Variants in CADPS2 observed in about 807,000 individuals in gnomAD.
CADPS2 encodes calcium dependent secretion activator 2, also known as calcium-dependent secretion activator 2.
Under a neutral mutation model 172.5 loss-of-function variants are expected in CADPS2, and 93 were observed. The observed-to-expected ratio is 0.54, with a 90% CI of 0.46 to 0.64. The LOEUF (loss-of-function observed/expected upper bound fraction) is 0.64, where lower values mean the gene tolerates loss of function less well. CADPS2 is among the 30% of genes least tolerant of loss of function. The pLI is 0.00. For missense variants in CADPS2, 1,420 were observed against 1,565.9 expected (o/e 0.91, Z 1.57); for synonymous variants, 546 against 555.2 (o/e 0.98, Z 0.23).
At chr7:122,599,429 T>C (rs1052638253) in intron 6 of CADPS2, among the ~76,000 whole-genome samples, 2 of 151,788 alleles carry the variant, frequency 1.3e-5, no homozygotes, top group African/African-American at 4.8e-5. Context: ...AATTTACATA[T>C]AGAAATCAAA....
intron 2 of CADPS2, among the ~76,000 whole-genome samples, chr7:122,672,820 A>G (rs535849101): frequency 7.5e-4 from 114 of 152,334 alleles, no homozygotes; most frequent in Non-Finnish European, 1.5e-3. Context: ...TCGGAAAACT[A>G]TGACATACCA....
At chr7:122,844,777 G>C (rs1441238035) in intron 1 of CADPS2, among the ~76,000 whole-genome samples, 1 of 152,094 alleles carries the variant, frequency 6.6e-6, no homozygotes, top group Non-Finnish European at 1.5e-5. Flanking sequence ...GATTAAAAAG[G>C]TCAGGCAAAT....
At chr7:122,543,588 C>G (rs1563654443) in intron 8 of CADPS2, among the ~76,000 whole-genome samples, 1 of 152,076 alleles carries the variant, frequency 6.6e-6, no homozygotes, top group Non-Finnish European at 1.5e-5. Context: ...AGAAGTTGAT[C>G]TGAGCTGGTG....
chr7:122,538,389 G>C (rs1175132055), intron 8 of CADPS2, among the ~76,000 whole-genome samples: 2 of 133,674 alleles, frequency 1.5e-5, no homozygotes, highest in East Asian at 4.3e-4. Flanking sequence ...AACACAAGGA[G>C]AAGCTTAATT....
chr7:122,442,908 TA>T (rs2051562545), intron 15 of CADPS2, among the ~76,000 whole-genome samples: 1 of 152,202 alleles, frequency 6.6e-6, no homozygotes. Flanking sequence ...ATAACCAATT[TA>T]TTTTGATAGT....
chr7:122,534,997 G>C (rs1187862471), intron 8 of CADPS2, among the ~76,000 whole-genome samples: 2 of 152,048 alleles, frequency 1.3e-5, no homozygotes, highest in African/African-American at 4.8e-5. Flanking sequence ...TTTGAAAGCT[G>C]AGCATTTAAA....
At chr7:122,368,347 G>T in intron 25 of CADPS2, 1 of 152,810 alleles carries the variant, frequency 6.5e-6, no homozygotes. Flanking sequence ...GACACAAGAG[G>T]ACTGGAGGTG....
At chr7:122,626,956 G>C (rs12670792) in intron 4 of CADPS2, among the ~76,000 whole-genome samples, 4,128 of 152,262 alleles carry the variant, frequency 0.027, 173 homozygotes, top group East Asian at 0.17. Flanking sequence ...TTGAAACAGA[G>C]ATTTTGCCCT....
intron 27 of CADPS2, among the ~76,000 whole-genome samples, chr7:122,349,132 A>C (rs2038145035): frequency 6.6e-6 from 1 of 152,120 alleles, no homozygotes; most frequent in Non-Finnish European, 1.5e-5. Context: ...TTGCATTGTA[A>C]AGACAAACTA....
chr7:122,458,422 C>T (rs935903225), intron 14 of CADPS2, among the ~76,000 whole-genome samples: 3 of 152,122 alleles, frequency 2.0e-5, no homozygotes, highest in Non-Finnish European at 2.9e-5. Context: ...ATATTACACA[C>T]TCAGTGTCCT....
chr7:122,734,442 A>G (rs1166718748), intron 2 of CADPS2, among the ~76,000 whole-genome samples: 1 of 148,548 alleles, frequency 6.7e-6, no homozygotes, highest in Non-Finnish European at 1.5e-5. Context: ...TACAATATGT[A>G]ACACTGGAAA....
intron 28 of CADPS2, among the ~76,000 whole-genome samples, chr7:122,339,825 C>T (rs747993282): frequency 6.6e-6 from 1 of 152,128 alleles, no homozygotes; most frequent in Non-Finnish European, 1.5e-5. Context: ...GTGGAGGTTG[C>T]AGTGAGCCGA....
intron 28 of CADPS2, among the ~76,000 whole-genome samples, chr7:122,335,248 T>C (rs1318819935): frequency 6.6e-6 from 1 of 152,232 alleles, no homozygotes; most frequent in African/African-American, 2.4e-5. Context: ...AACTTATACA[T>C]TTATTGCCTA....
In CADPS2 at chr7:122,726,004, A is replaced by AT. The variant is rs199652045; in HGVS notation, c.453+10950dup. On this transcript the variant is annotated intron_variant, in intron 2 of 29. Coordinates refer to ENST00000449022, the MANE Select transcript of CADPS2 (RefSeq NM_017954.11). ...AGTTGGTGTCTCCTAAACAGTTTGAATTTTTTTTTTCAAATAGTGTTTATT... is the reference window on the plus strand; with the variant it reads ...AGTTGGTGTCTCCTAAACAGTTTGAATTTTTTTTTTTCAAATAGTGTTTATT... Among the ~76,000 whole-genome samples the AT allele has an allele frequency of 3.4e-3, 507 of 150,156 alleles. 1 individual carries two copies. The highest frequency in any genetic ancestry group is 4.3e-3 in the Admixed American group (64 of 14,986).
At chr7:122,620,545 A>C (rs1346203476) in intron 5 of CADPS2, among the ~76,000 whole-genome samples, 1 of 152,178 alleles carries the variant, frequency 6.6e-6, no homozygotes, top group Non-Finnish European at 1.5e-5. Context: ...AGCTGTACAA[A>C]GAGTATTAGT....
intron 2 of CADPS2, among the ~76,000 whole-genome samples, chr7:122,719,261 G>T (rs1437294728): frequency 6.6e-6 from 1 of 151,978 alleles, no homozygotes; most frequent in Admixed American, 6.6e-5. Flanking sequence ...GGAAGAAGGG[G>T]TGGGGGAGAG....
chr7:122,680,129 T>C (rs1340073028), intron 2 of CADPS2, among the ~76,000 whole-genome samples: 3 of 152,202 alleles, frequency 2.0e-5, no homozygotes, highest in African/African-American at 7.2e-5. Context: ...ATTACCTTTC[T>C]TGGCACACAA....
chr7:122,573,425 A>G (rs958509405), intron 7 of CADPS2, among the ~76,000 whole-genome samples: 10 of 152,084 alleles, frequency 6.6e-5, no homozygotes, highest in African/African-American at 2.4e-4. Flanking sequence ...CAGTAGTCCC[A>G]GCAACTTGGG....
At chr7:122,488,111 T>G (rs184508994) in intron 11 of CADPS2, among the ~76,000 whole-genome samples, 23 of 152,198 alleles carry the variant, frequency 1.5e-4, no homozygotes, top group Non-Finnish European at 4.4e-5. Flanking sequence ...AGAAACAAAT[T>G]TATAAAAACT....
Sources: allele counts gnomAD v4.1 joint callset (sites outside exome capture counted in the v4.1 genomes callset), GRCh38; gene constraint gnomAD v4.1.1; transcripts MANE v1.5; gene names NCBI Gene and HGNC (gene_info 2026-07-23, HGNC 2026-07-21).